The following NLRP3 variants were observed in gnomAD, a reference collection of about 807,000 sequenced individuals.
NLRP3 encodes NLR family pyrin domain containing 3, also known as NACHT, LRR and PYD domains-containing protein 3.
In NLRP3, 48 loss-of-function variants were observed where a neutral mutation model predicts 91.3. The ratio of observed to expected loss-of-function variants is 0.53; its 90% confidence interval spans 0.42 to 0.67. The LOEUF is 0.67. Ranked by LOEUF, NLRP3 falls within the 30% of genes least tolerant of loss-of-function variation. The probability of loss-of-function intolerance (pLI) is 0.00; values close to 1 mark genes in which losing one functional copy is unlikely to be tolerated. For synonymous variants in NLRP3, 561 were observed against 507.9 expected, an observed-to-expected ratio of 1.10 and a Z score of -1.41; for missense variants, 982 against 1,276.9, an observed-to-expected ratio of 0.77 and a Z score of 3.52.
At chr1:247,419,719 C>T (rs185176838) in intron 2 of NLRP3, among the ~76,000 whole-genome samples, 5 of 152,248 alleles carry the variant, frequency 3.3e-5, no homozygotes, top group Non-Finnish European at 5.9e-5. Flanking sequence ...TAATGTCCTC[C>T]GGGTTCAACT....
Position 247,416,672 on chromosome 1 carries a change from C to T in NLRP3, c.-749+479C>T, listed in dbSNP as rs555767884. ...AGGGCTGTCTGGAGAGCAGTCACCT[C>T]AGGATGGGCAGGAGCTGGGAGGGTA... On this transcript the variant is annotated intron_variant, in intron 1 of 9. Transcript: ENST00000336119. Among the ~76,000 whole-genome samples the T allele has an allele frequency of 4.0e-5, 5 of 125,716 alleles. No homozygotes were observed. The East Asian group carries it at 1.3e-3, about 33-fold the overall frequency. The allele number at this position is 125,716 out of a possible 152,430, so 82.5% of individuals were successfully genotyped here. A position where few individuals can be genotyped will look rare whatever the true frequency, so the allele number is the denominator to read the frequency against.
At chr1:247,447,752 T>A (rs776382491) in intron 9 of NLRP3, among the ~76,000 whole-genome samples, 1 of 152,252 alleles carries the variant, frequency 6.6e-6, no homozygotes, top group African/African-American at 2.4e-5. Flanking sequence ...TTTGGTGTGA[T>A]AGTGACATTG....
At position 247,436,111 on chromosome 1, in the gene NLRP3, G is replaced by T. The variant is rs1423796642; in HGVS notation, c.2634G>T (p.Lys878Asn). The T allele has an allele frequency of 1.2e-6, 2 of 1,614,160 alleles. No homozygotes were observed. The highest frequency in any genetic ancestry group is 1.7e-6 in the Non-Finnish European group (2 of 1,180,020). ...TCGCAATTTTATGTGAAAAAGCCAAGAATCCACAGTGTAACCTGCAGAAAC... is the reference window on the plus strand; with the variant it reads ...TCGCAATTTTATGTGAAAAAGCCAATAATCCACAGTGTAACCTGCAGAAAC... ...SGVAILCEKA[K>N]NPQCNLQKLG... Residue 878 changes from lysine (K) to asparagine (N), a missense_variant, in exon 7 of 10, where the codon AAG becomes AAT. Physicochemically the swap from Lys to Asn is moderately conservative, Grantham distance 94. Coordinates refer to ENST00000336119, the MANE Select transcript of NLRP3 (RefSeq NM_001243133.2).
At chr1:247,429,099 G>A (rs1663119908) in intron 4 of NLRP3, among the ~76,000 whole-genome samples, 1 of 151,998 alleles carries the variant, frequency 6.6e-6, no homozygotes. Flanking sequence ...CACCATGTTG[G>A]CCAGGCTGAT....
At chr1:247,419,164 A>ATAT in intron 2 of NLRP3, 87 bp downstream of exon 2, 17 of 692,514 alleles carry the variant, frequency 2.5e-5, no homozygotes, top group Admixed American at 2.1e-4. Context: ...ATATATATAT[A>ATAT]TTTTTTTTTG....
At chr1:247,435,842 T>C (rs965055881) in intron 6 of NLRP3, 128 bp from the exon 7 acceptor site, 4 of 851,052 alleles carry the variant, frequency 4.7e-6, no homozygotes, top group South Asian at 4.1e-5. Context: ...GAAGTGTACA[T>C]AGAGCTTGTG....
intron 3 of NLRP3, 136 bp downstream of exon 3, chr1:247,423,485 C>T: frequency 9.2e-7 from 1 of 1,081,754 alleles, no homozygotes; most frequent in Non-Finnish European, 1.4e-6. Flanking sequence ...CTCAGGAAAT[C>T]CATTGTCAGT....
chr1:247,442,037 T>C (rs934384171), intron 7 of NLRP3, among the ~76,000 whole-genome samples: 53 of 152,374 alleles, frequency 3.5e-4, no homozygotes, highest in African/African-American at 1.2e-3. Context: ...CTTCTGCATG[T>C]TAATTAACAA....
At position 247,434,304 on chromosome 1, in the gene NLRP3, C is replaced by T. The variant is rs774888286; in HGVS notation, c.2492+31C>T. The stretch of plus-strand genomic sequence containing the variant: ...TCGAGCCCGTTCCCCTAAGGAAGTT[C>T]TGCCAGCGAGGCGTGCTGCGCACTC... On this transcript the variant is annotated intron_variant, in intron 6 of 9. Transcript: ENST00000336119. 1.9e-6 allele frequency: 3 copies of T among 1,613,300 alleles called. No individual in the cohort carries two copies. In the East Asian group the frequency reaches 6.7e-5, roughly 36 times the overall value.
chr1:247,428,282 TA>T (rs1663053376), intron 4 of NLRP3, among the ~76,000 whole-genome samples: 2 of 151,352 alleles, frequency 1.3e-5, no homozygotes, highest in Non-Finnish European at 2.9e-5. Context: ...GGAGCCCTGG[TA>T]GGGGGCTCAG....
chr1:247,444,018 T>A lies in NLRP3; in HGVS notation c.2710T>A (p.Ser904Thr). 1 of 1,614,200 alleles carries A rather than the reference T, an allele frequency of 6.2e-7. No individual in the cohort carries two copies. Among genetic ancestry groups the A allele is most frequent in the African/African-American group, 1.3e-5 (1 of 75,048 alleles). ...GTCAGTCTGTTGTTCAGCTTTGTCC[T>A]CGGTACTCAGCACTAATCAGAATCT... is the stretch of plus-strand genomic sequence containing the variant. ...LTSVCCSALS[S>T]VLSTNQNLTH... Residue 904 changes from serine to threonine, a missense_variant, in exon 8 of 10, where the codon TCG (serine) becomes ACG (threonine). Physicochemically the swap from Ser to Thr is moderately conservative, Grantham distance 58. Transcript: ENST00000336119.
chr1:247,444,857 T>A (rs778705668), intron 9 of NLRP3, 36 bp downstream of exon 9: 1 of 1,607,818 alleles, frequency 6.2e-7, no homozygotes, highest in South Asian at 1.1e-5. Context: ...GTGGTGGGAC[T>A]CTGAGTTCTC....
At chr1:247,419,400 C>A (rs1662297649) in intron 2 of NLRP3, among the ~76,000 whole-genome samples, 1 of 152,094 alleles carries the variant, frequency 6.6e-6, no homozygotes. Context: ...GGTGATCCAC[C>A]CGCCTCGGCC....
Position 247,425,400 on chromosome 1 carries a change from A to G in NLRP3, c.1951A>G (p.Ile651Val). Residue 651 changes from isoleucine (I) to valine (V), a missense_variant, in exon 4 of 10, where the codon ATT becomes GTT. Ile to Val is a conservative substitution (Grantham distance 29). Around this residue, in one of 5 missense-constraint regions of NLRP3, gnomAD observed 373 missense variants for 431.5 expected, o/e 0.86. Coordinates refer to ENST00000336119, the MANE Select transcript of NLRP3 (RefSeq NM_001243133.2). This position sits in a 1 kb window ranked among gnomAD's most constrained non-coding sequence, Gnocchi z 4.1. ...AAGGGCCATGGACTATTTCCCCAAG[A>G]TTGAGATCAATCTCTCCACCAGAAT... ...VQRAMDYFPK[I>V]EINLSTRMDH... 1.2e-6 allele frequency: 2 copies of G among 1,614,200 alleles called. No individual in the cohort carries two copies. Among genetic ancestry groups the G allele is most frequent in the South Asian group, 1.1e-5 (1 of 91,084 alleles).
At position 247,425,393 on chromosome 1, in the gene NLRP3, C is replaced by A. The variant is rs1230268213; in HGVS notation, c.1944C>A (p.Phe648Leu). 6 of 1,614,184 alleles carry A rather than the reference C, an allele frequency of 3.7e-6. No individual in the cohort carries two copies. Among genetic ancestry groups the A allele is most frequent in the African/African-American group, 2.7e-5 (2 of 75,034 alleles). Residue 648 changes from phenylalanine to leucine, a missense_variant, in exon 4 of 10, where the codon TTC (phenylalanine) becomes TTA (leucine). Around this residue, in one of 5 missense-constraint regions of NLRP3, gnomAD observed 373 missense variants for 431.5 expected, o/e 0.86. Transcript: ENST00000336119. The surrounding 1 kb of genome is among the most constrained non-coding windows in gnomAD (Gnocchi z 4.1). ...TCGTGCAAAGGGCCATGGACTATTT[C>A]CCCAAGATTGAGATCAATCTCTCCA... is the stretch of plus-strand genomic sequence containing the variant. ...EDFVQRAMDYFPKIEINLSTR... is the reference protein window; with the variant it reads ...EDFVQRAMDYLPKIEINLSTR...
rs200259151 is a variant in NLRP3, at chr1:247,436,085, G to T, written c.2608G>T (p.Val870Phe). 1 of 1,614,192 alleles carries T rather than the reference G, an allele frequency of 6.2e-7. No individual in the cohort carries two copies. Among genetic ancestry groups the T allele is most frequent in the South Asian group, 1.1e-5 (1 of 91,082 alleles). ...VGENALGDSG[V>F]AILCEKAKNP... ...GGAGAATGCCTTGGGAGACTCAGGA[G>T]TCGCAATTTTATGTGAAAAAGCCAA... Residue 870 changes from valine to phenylalanine, a missense_variant, in exon 7 of 10, where the codon GTC (valine) becomes TTC (phenylalanine). This residue lies in a region of NLRP3 where 373 missense variants were observed against 431.5 expected (regional missense o/e 0.86). Coordinates refer to ENST00000336119, the MANE Select transcript of NLRP3 (RefSeq NM_001243133.2).
chr1:247,423,760 C>A, intron 3 of NLRP3, 87 bp from the exon 4 acceptor site: 1 of 1,203,652 alleles, frequency 8.3e-7, no homozygotes, highest in Non-Finnish European at 1.2e-6. Context: ...CCGGTTACCA[C>A]TCGCTTCCGA....
chr1:247,424,964 G>C lies in NLRP3; in HGVS notation c.1515G>C (p.Leu505=). Residue 505 remains leucine (L), a synonymous_variant, in exon 4 of 10, where the codon CTG becomes CTC. Transcript: ENST00000336119. The surrounding 1 kb of genome is among the most constrained non-coding windows in gnomAD (Gnocchi z 8.1). The part of the protein sequence containing the change: ...ADVSAFLRMN[L]FQKEVDCEKF... The stretch of plus-strand genomic sequence containing the variant: ...TGTCTGCTTTCCTGAGGATGAACCT[G>C]TTCCAAAAGGAAGTGGACTGCGAGA... The C allele has an allele frequency of 6.2e-7, 1 of 1,614,178 alleles. No homozygotes were observed. Among genetic ancestry groups the C allele is most frequent in the Non-Finnish European group, 8.5e-7 (1 of 1,180,034 alleles).
chr1:247,421,830 GT>G (rs1662480976), intron 2 of NLRP3, among the ~76,000 whole-genome samples: 3 of 152,122 alleles, frequency 2.0e-5, no homozygotes, highest in African/African-American at 4.8e-5. Flanking sequence ...GTGGGGTTAG[GT>G]TTTAGGTAAT....
Sources: gnomAD v4.1 joint callset for allele counts (sites outside exome capture counted in the v4.1 genomes callset) on GRCh38, gnomAD v4.1.1 for gene constraint, gnomAD v4.1.1 regional missense constraint, Gnocchi (gnomAD v3.1) non-coding constraint, MANE v1.5 for transcripts, NCBI Gene and HGNC (gene_info 2026-07-23, HGNC 2026-07-21) for gene names.